Variants in ADAMTS3 observed in about 807,000 individuals in gnomAD.
The protein encoded by ADAMTS3 is A disintegrin and metalloproteinase with thrombospondin motifs 3.
Under a neutral mutation model 129.0 loss-of-function variants are expected in ADAMTS3, and 73 were observed. That is an observed-to-expected ratio of 0.57 (90% CI 0.47 to 0.69). The LOEUF (loss-of-function observed/expected upper bound fraction) is 0.69. Among genes scored for constraint, ADAMTS3 ranks in the 30% least tolerant of loss-of-function variants. The pLI, the probability that ADAMTS3 is intolerant of heterozygous loss-of-function variation, is 0.00. For missense variants in ADAMTS3, 1,457 were observed against 1,514.5 expected (o/e 0.96, Z 0.63); for synonymous variants, 477 against 510.8 (o/e 0.93, Z 0.89).
chr4:72,447,350 A>G (rs1213962543), intron 3 of ADAMTS3, among the ~76,000 whole-genome samples: 1 of 151,710 alleles, frequency 6.6e-6, no homozygotes, highest in Non-Finnish European at 1.5e-5. Flanking sequence ...TCCAAATCTT[A>G]CCTTCTAATT....
At chr4:72,556,202 C>T (rs1360448086) in intron 2 of ADAMTS3, among the ~76,000 whole-genome samples, 2 of 151,652 alleles carry the variant, frequency 1.3e-5, no homozygotes, top group African/African-American at 2.4e-5. Flanking sequence ...TGGGAGATTG[C>T]TCTGTGCTGG....
At chr4:72,526,758 A>G (rs1302003644) in intron 3 of ADAMTS3, among the ~76,000 whole-genome samples, 2 of 120,594 alleles carry the variant, frequency 1.7e-5, no homozygotes, top group East Asian at 4.2e-4. Context: ...ATATATATAT[A>G]TATATATATA....
intron 3 of ADAMTS3, among the ~76,000 whole-genome samples, chr4:72,503,686 G>T (rs895964286): frequency 1.3e-5 from 2 of 152,118 alleles, no homozygotes; most frequent in South Asian, 2.1e-4. Context: ...GCTTTCTAAG[G>T]CTGTCAGTCA....
intron 5 of ADAMTS3, among the ~76,000 whole-genome samples, chr4:72,336,786 C>A (rs138843936): frequency 6.6e-6 from 1 of 152,004 alleles, no homozygotes; most frequent in South Asian, 2.1e-4. Flanking sequence ...CTGTCTGTTG[C>A]GCTGTAGGAT....
At chr4:72,457,219 CATAGGCAT>C (rs1718648157) in intron 3 of ADAMTS3, among the ~76,000 whole-genome samples, 2 of 151,654 alleles carry the variant, frequency 1.3e-5, no homozygotes, top group South Asian at 4.1e-4. Context: ...GCTTATTGCC[CATAGGCAT>C]AACCTACAAG....
At chr4:72,357,273 C>T (rs372201301) in intron 4 of ADAMTS3, among the ~76,000 whole-genome samples, 29 of 151,834 alleles carry the variant, frequency 1.9e-4, no homozygotes, top group Non-Finnish European at 3.1e-4. Context: ...TATGTAAAAA[C>T]GAAGATAAAT....
intron 2 of ADAMTS3, among the ~76,000 whole-genome samples, chr4:72,563,705 T>C (rs558242558): frequency 1.3e-5 from 2 of 152,306 alleles, no homozygotes; most frequent in South Asian, 4.1e-4. Context: ...CATCTTCATT[T>C]TCTTAGGGAC....
At chr4:72,441,378 C>T (rs958684976) in intron 3 of ADAMTS3, among the ~76,000 whole-genome samples, 3 of 151,658 alleles carry the variant, frequency 2.0e-5, no homozygotes, top group African/African-American at 7.3e-5. Context: ...ATTGGATTGT[C>T]TTTTCACTGA....
At chr4:72,379,136 T>G (rs1721211581) in intron 4 of ADAMTS3, among the ~76,000 whole-genome samples, 1 of 152,052 alleles carries the variant, frequency 6.6e-6, no homozygotes, top group South Asian at 2.1e-4. Context: ...CATGATAATC[T>G]CCTTTTTGAT....
rs182591469 is a variant in ADAMTS3, at chr4:72,319,200, A to C, written c.1352+132T>G. ...TAAAATTTTTGTGCTGAATGTTCTA[A>C]GTCATAAGAAAATGTTTATCAGTAA... On this transcript the variant is annotated intron_variant, in intron 9 of 21. Transcript: ENST00000286657. The C allele has an allele frequency of 4.5e-6, 5 of 1,104,816 alleles. No homozygotes were observed. In the African/African-American group the frequency reaches 8.1e-5, roughly 18 times the overall value. The allele number at this position is 1,104,816 out of a possible 1,614,324, so 68.4% of individuals were successfully genotyped here. A position where few individuals can be genotyped will look rare whatever the true frequency, so the allele number is the denominator to read the frequency against.
At chr4:72,478,409 A>G in intron 3 of ADAMTS3, among the ~76,000 whole-genome samples, 2 of 149,522 alleles carry the variant, frequency 1.3e-5, no homozygotes, top group African/African-American at 5.0e-5. Context: ...AATAAATGTA[A>G]TCCAGCATAT....
chr4:72,416,172 A>AATATATATATATATATACATATATGT (rs1553913388), intron 3 of ADAMTS3, among the ~76,000 whole-genome samples: 6 of 146,084 alleles, frequency 4.1e-5, no homozygotes, highest in African/African-American at 2.5e-5. Flanking sequence ...AGCAAATATA[A>AATATATATATATATATACATATATGT]ATATAAATAT....
intron 3 of ADAMTS3, among the ~76,000 whole-genome samples, chr4:72,415,532 C>T (rs1722282187): frequency 1.3e-5 from 2 of 151,870 alleles, no homozygotes; most frequent in Non-Finnish European, 2.9e-5. Flanking sequence ...AAAGTTTATT[C>T]ATTTGAAGAA....
chr4:72,293,332 T>C (rs1718725054), intron 19 of ADAMTS3, among the ~76,000 whole-genome samples: 1 of 152,134 alleles, frequency 6.6e-6, no homozygotes, highest in African/African-American at 2.4e-5. Flanking sequence ...CAGGGTGATT[T>C]GCCCTCCTCC....
intron 4 of ADAMTS3, among the ~76,000 whole-genome samples, chr4:72,379,685 T>C (rs534078568): frequency 2.3e-4 from 35 of 152,204 alleles, no homozygotes; most frequent in Non-Finnish European, 4.9e-4. Context: ...AGTATCACTA[T>C]GCCCTTTAGT....
At chr4:72,401,534 T>G (rs950277848) in intron 4 of ADAMTS3, among the ~76,000 whole-genome samples, 5 of 111,082 alleles carry the variant, frequency 4.5e-5, no homozygotes, top group African/African-American at 1.8e-4. Flanking sequence ...GCCACTGCAC[T>G]CCAGCCTGGG....
chr4:72,347,389 A>G (rs1199858374), intron 4 of ADAMTS3, among the ~76,000 whole-genome samples: 2 of 151,484 alleles, frequency 1.3e-5, no homozygotes, highest in African/African-American at 2.4e-5. Flanking sequence ...TTTCTCTGCT[A>G]CAGTCATCAA....
At chr4:72,349,545 T>C (rs1033686303) in intron 4 of ADAMTS3, among the ~76,000 whole-genome samples, 1 of 152,060 alleles carries the variant, frequency 6.6e-6, no homozygotes, top group South Asian at 2.1e-4. Flanking sequence ...TTGGCAGTTA[T>C]ACACAATTTT....
chr4:72,353,219 T>C (rs1720489569), intron 4 of ADAMTS3, among the ~76,000 whole-genome samples: 1 of 152,010 alleles, frequency 6.6e-6, no homozygotes, highest in African/African-American at 2.4e-5. Context: ...GTGATTATCT[T>C]AGCTTCAGAA....
Sources: allele counts gnomAD v4.1 joint callset (sites outside exome capture counted in the v4.1 genomes callset), GRCh38; gene constraint gnomAD v4.1.1; transcripts MANE v1.5; gene names NCBI Gene and HGNC (gene_info 2026-07-23, HGNC 2026-07-21).